TARBP2: variants seen among roughly 807,000 people sequenced by gnomAD.
TARBP2 encodes the protein TARBP2 subunit of RISC loading complex, also known as RISC-loading complex subunit TARBP2.
In TARBP2, 23 loss-of-function variants were observed where a neutral mutation model predicts 40.4. The observed-to-expected ratio is 0.57, with a 90% CI of 0.41 to 0.81. TARBP2 has a LOEUF of 0.81. Ranked by LOEUF, TARBP2 falls within the 30% of genes least tolerant of loss-of-function variation. The pLI is 0.00. For missense variants in TARBP2, 358 were observed against 473.7 expected, an observed-to-expected ratio of 0.76 and a Z score of 2.27; for synonymous variants, 183 against 190.5, an observed-to-expected ratio of 0.96 and a Z score of 0.32.
Position 53,504,399 on chromosome 12 carries a change from G to T in TARBP2, c.425G>T (p.Ser142Ile). 6.4e-7 allele frequency: 1 copy of T among 1,553,882 alleles called. No individual in the cohort carries two copies. The highest frequency in any genetic ancestry group is 8.6e-7 in the Non-Finnish European group (1 of 1,156,876). The change falls in exon 5 of 9, where the codon AGC (serine) becomes ATC (isoleucine). Residue 142 changes from serine to isoleucine, a missense_variant and splice_region_variant. Ser to Ile is a moderately radical substitution (Grantham distance 142, BLOSUM62 -2). Transcript: ENST00000266987. ...TPVPSVVLTRSPPMELQPPVS... is the reference protein window; with the variant it reads ...TPVPSVVLTRIPPMELQPPVS... Reference sequence around the variant, plus strand: ...TGGCCCTGTGCCTTTTCCTTCAGGAGCCCCCCCATGGAACTGCAGCCCCCT... The same window carrying T: ...TGGCCCTGTGCCTTTTCCTTCAGGATCCCCCCCATGGAACTGCAGCCCCCT...
intron 5 of TARBP2, 108 bp from the exon 6 acceptor site, chr12:53,504,590 C>A (rs752750622): frequency 1.2e-6 from 2 of 1,607,550 alleles, no homozygotes; most frequent in Non-Finnish European, 1.7e-6. Context: ...TTCCACCCCC[C>A]TCTCTCCTTC....
Position 53,505,773 on chromosome 12 carries a change from C to G in TARBP2, c.866C>G (p.Ala289Gly). The G allele has an allele frequency of 6.2e-7, 1 of 1,614,032 alleles. No homozygotes were observed. The highest frequency in any genetic ancestry group is 8.5e-7 in the Non-Finnish European group (1 of 1,179,976). The stretch of plus-strand genomic sequence containing the variant: ...AGTTGCTCCCTGGGCTCCCTGGGTG[C>G]CCTGGGCCCTGCCTGCTGCCGTGTC... ...LRSCSLGSLG[A>G]LGPACCRVLS... Residue 289 changes from alanine to glycine, a missense_variant, in exon 8 of 9, where the codon GCC becomes GGC. By Grantham distance (60) the Ala-to-Gly change is moderately conservative. This residue lies in a region of TARBP2 where 317 missense variants were observed against 422.9 expected (regional missense o/e 0.75). Coordinates refer to ENST00000266987, the MANE Select transcript of TARBP2 (RefSeq NM_134323.2). This position sits in a 1 kb window ranked among gnomAD's most constrained non-coding sequence, Gnocchi z 4.5.
At chr12:53,501,222 C>G, upstream of TARBP2, 4 of 634,126 alleles carry the variant, frequency 6.3e-6, no homozygotes, top group Admixed American at 5.9e-5. Flanking sequence ...GGTTGTGGGG[C>G]GGATAGCTCC....
rs1182003590 is a variant in TARBP2, at chr12:53,505,930, C to T, written c.944-61C>T. ...TAGAAGGGGGTGATGATAACGTGAA[C>T]GCACCCCTCCCCAGGGCTACCTCCC... On this transcript the variant is annotated intron_variant, in intron 8 of 8. Coordinates refer to ENST00000266987, the MANE Select transcript of TARBP2 (RefSeq NM_134323.2). This position sits in a 1 kb window ranked among gnomAD's most constrained non-coding sequence, Gnocchi z 4.5. 5 of 1,603,844 alleles carry T rather than the reference C, an allele frequency of 3.1e-6. No individual in the cohort carries two copies. The highest frequency in any genetic ancestry group is 4.3e-6 in the Non-Finnish European group (5 of 1,172,196).
chr12:53,506,400 T>C lies in TARBP2; in HGVS notation c.*252T>C. The C allele has an allele frequency of 1.9e-6, 1 of 540,074 alleles. No individual in the cohort carries two copies. Among genetic ancestry groups the C allele is most frequent in the Non-Finnish European group, 3.3e-6 (1 of 305,668 alleles). 33.5% of individuals were successfully genotyped at this position (540,074 alleles called of 1,614,324 possible). On this transcript the variant is annotated 3_prime_UTR_variant, in exon 9 of 9. Coordinates refer to ENST00000266987, the MANE Select transcript of TARBP2 (RefSeq NM_134323.2). ...AATCAGGGGGCTGTCTACTAGAGCCTGGAATAAATATGCTGCTTTGTGGAT... is the reference window on the plus strand; with the variant it reads ...AATCAGGGGGCTGTCTACTAGAGCCCGGAATAAATATGCTGCTTTGTGGAT...
Position 53,506,207 on chromosome 12 carries a change from C to G in TARBP2, c.*59C>G. Reference sequence around the variant, plus strand: ...GCTCCCTGCTCTTTCTGCCTCTGGGCTCATGTATCTGCGCAGCTCTGGTAC... The same window carrying G: ...GCTCCCTGCTCTTTCTGCCTCTGGGGTCATGTATCTGCGCAGCTCTGGTAC... On this transcript the variant is annotated 3_prime_UTR_variant, in exon 9 of 9. Coordinates refer to ENST00000266987, the MANE Select transcript of TARBP2 (RefSeq NM_134323.2). 2 of 1,577,622 alleles carry G rather than the reference C, an allele frequency of 1.3e-6. No homozygotes were observed.
At chr12:53,501,094 G>A (rs1943679978), upstream of TARBP2, 1 of 420,626 alleles carries the variant, frequency 2.4e-6, no homozygotes, top group Non-Finnish European at 4.4e-6. Context: ...GGCGCGGAAG[G>A]AAGGAGGCGG....
chr12:53,501,863 C>T, intron 1 of TARBP2, 152 bp from the exon 2 acceptor site: 2 of 1,355,294 alleles, frequency 1.5e-6, no homozygotes, highest in East Asian at 2.4e-5. Flanking sequence ...CAGCCTGCAC[C>T]TCCACTTGGA....
Position 53,505,203 on chromosome 12 carries a change from G to C in TARBP2, c.682G>C (p.Val228Leu), listed in dbSNP as rs764458087. 6.2e-7 allele frequency: 1 copy of C among 1,611,074 alleles called. No homozygotes were observed. Among genetic ancestry groups the C allele is most frequent in the South Asian group, 1.1e-5 (1 of 91,022 alleles). Residue 228 changes from valine (V) to leucine (L), a missense_variant, in exon 7 of 9, where the codon GTG becomes CTG. By Grantham distance (32) the Val-to-Leu change is conservative. Coordinates refer to ENST00000266987, the MANE Select transcript of TARBP2 (RefSeq NM_134323.2). The surrounding 1 kb of genome is among the most constrained non-coding windows in gnomAD (Gnocchi z 4.5). ...CAAAATGCTGCTTCGAGTGCACACG[G>C]TGCCTCTGGATGCCCGGGATGGCAA... ...AAKMLLRVHT[V>L]PLDARDGNEV...
intron 4 of TARBP2, chr12:53,504,024 C>A (rs186935025): frequency 6.7e-6 from 4 of 598,246 alleles, no homozygotes; most frequent in African/African-American, 5.6e-5. Context: ...GAATGATGTC[C>A]GACCATGTTT....
chr12:53,502,852 G>A, intron 2 of TARBP2, 175 bp from the exon 3 acceptor site: 1 of 592,010 alleles, frequency 1.7e-6, no homozygotes, highest in South Asian at 3.1e-5. Flanking sequence ...CTAACGGAAA[G>A]ATAAGGGCTC....
In TARBP2 at chr12:53,503,016, C is replaced by A; in HGVS notation, c.224-11C>A. ...AGTGACCTCCAGTATTGCCCATGCC[C>A]CCTCTCTCAGGTCAGGGCCCCAGCA... On this transcript the variant is annotated splice_polypyrimidine_tract_variant and intron_variant, in intron 2 of 8. Transcript: ENST00000266987. 1.3e-6 allele frequency: 2 copies of A among 1,547,416 alleles called. No individual in the cohort carries two copies. The highest frequency in any genetic ancestry group is 1.7e-6 in the Non-Finnish European group (2 of 1,144,674).
At chr12:53,500,962 T>G, upstream of TARBP2, 1 of 171,770 alleles carries the variant, frequency 5.8e-6, no homozygotes, top group South Asian at 1.1e-4. Context: ...GGCTCTTGGG[T>G]TCTGTAGTTT....
intron 4 of TARBP2, 139 bp downstream of exon 4, chr12:53,503,947 G>T: frequency 1.5e-6 from 1 of 688,688 alleles, no homozygotes. Flanking sequence ...ACCAGAACTT[G>T]AAGAAATCAC....
intron 4 of TARBP2, 156 bp downstream of exon 4, chr12:53,503,964 T>G (rs1943840859): frequency 1.5e-6 from 1 of 647,012 alleles, no homozygotes; most frequent in South Asian, 1.8e-5. Flanking sequence ...TCACAGCAGC[T>G]GGTAAGCTCT....
rs1490292161 is a variant in TARBP2 at position 53,505,172 on chromosome 12, G to A, written c.651G>A (p.Ala217=). The change falls in exon 7 of 9, where the codon GCG becomes GCA. Residue 217 remains alanine (A), a synonymous_variant. Transcript: ENST00000266987. This position sits in a 1 kb window ranked among gnomAD's most constrained non-coding sequence, Gnocchi z 4.5. ...CCAAAAAATTGGCAAAGCGGAATGCGGCGGCCAAAATGCTGCTTCGAGTGC... is the reference window on the plus strand; with the variant it reads ...CCAAAAAATTGGCAAAGCGGAATGCAGCGGCCAAAATGCTGCTTCGAGTGC... ...GTSKKLAKRN[A]AAKMLLRVHT... 5.0e-6 allele frequency: 8 copies of A among 1,611,458 alleles called. No homozygotes were observed. Among genetic ancestry groups the A allele is most frequent in the Non-Finnish European group, 5.1e-6 (6 of 1,177,896 alleles).
Position 53,505,363 on chromosome 12 carries a change from C to G in TARBP2, c.741+101C>G, listed in dbSNP as rs1436335849. The stretch of plus-strand genomic sequence containing the variant: ...GACTCAGCAGTGAGCCTCTCTGGGC[C>G]CTAGGTCTGCTTCTGCCACAGTTTT... On this transcript the variant is annotated intron_variant, in intron 7 of 8. Coordinates refer to ENST00000266987, the MANE Select transcript of TARBP2 (RefSeq NM_134323.2). This position sits in a 1 kb window ranked among gnomAD's most constrained non-coding sequence, Gnocchi z 4.5. 4 of 1,481,692 alleles carry G rather than the reference C, an allele frequency of 2.7e-6. No homozygotes were observed. In the African/African-American group the frequency reaches 5.6e-5, roughly 21 times the overall value. 91.8% of individuals were successfully genotyped at this position (1,481,692 alleles called of 1,614,324 possible).
Position 53,505,370 on chromosome 12 carries a change from C to T in TARBP2, c.741+108C>T, listed in dbSNP as rs1943925532. 3.3e-5 allele frequency: 49 copies of T among 1,464,824 alleles called. No individual in the cohort carries two copies. The highest frequency in any genetic ancestry group is 4.4e-5 in the Non-Finnish European group (48 of 1,098,996). The allele number at this position is 1,464,824 out of a possible 1,614,324, so 90.7% of individuals were successfully genotyped here. ...CAGTGAGCCTCTCTGGGCCCTAGGT[C>T]TGCTTCTGCCACAGTTTTCCTACCA... is the stretch of plus-strand genomic sequence containing the variant. On this transcript the variant is annotated intron_variant, in intron 7 of 8. Coordinates refer to ENST00000266987, the MANE Select transcript of TARBP2 (RefSeq NM_134323.2). The surrounding 1 kb of genome is among the most constrained non-coding windows in gnomAD (Gnocchi z 4.5).
At position 53,503,009 on chromosome 12, in the gene TARBP2, C is replaced by T. The variant is rs1220169907; in HGVS notation, c.224-18C>T. The T allele has an allele frequency of 1.3e-6, 2 of 1,545,888 alleles. No homozygotes were observed. The highest frequency in any genetic ancestry group is 1.7e-6 in the Non-Finnish European group (2 of 1,143,888). On this transcript the variant is annotated intron_variant, in intron 2 of 8. Coordinates refer to ENST00000266987, the MANE Select transcript of TARBP2 (RefSeq NM_134323.2). ...TCCTTTCAGTGACCTCCAGTATTGC[C>T]CATGCCCCCTCTCTCAGGTCAGGGC... is the stretch of plus-strand genomic sequence containing the variant.
Sources: allele counts gnomAD v4.1 joint callset, GRCh38; gene constraint gnomAD v4.1.1; regional missense constraint gnomAD v4.1.1; non-coding constraint Gnocchi (gnomAD v3.1); transcripts MANE v1.5; gene names NCBI Gene and HGNC (gene_info 2026-07-23, HGNC 2026-07-21).